The following LRFN5 variants were observed in gnomAD, a reference collection of about 807,000 sequenced individuals.
The protein encoded by LRFN5 is leucine rich repeat and fibronectin type III domain containing 5, also known as leucine-rich repeat and fibronectin type-III domain-containing protein 5.
LRFN5 carries 24 observed loss-of-function variants against 45.6 expected under a neutral mutation model. That is an observed-to-expected ratio of 0.53 (90% CI 0.38 to 0.74). LRFN5 has a LOEUF of 0.74. Among genes scored for constraint, LRFN5 ranks in the 30% least tolerant of loss-of-function variants. The pLI, the probability that LRFN5 is intolerant of heterozygous loss-of-function variation, is 0.00. For synonymous variants in LRFN5, 340 were observed against 313.8 expected (o/e 1.08, Z -0.88); for missense variants, 776 against 861.5 (o/e 0.90, Z 1.24).
intron 1 of LRFN5, among the ~76,000 whole-genome samples, chr14:41,694,949 A>G (rs1225441340): frequency 6.6e-6 from 1 of 152,010 alleles, no homozygotes; most frequent in Non-Finnish European, 1.5e-5. Context: ...TTAGTAAAAA[A>G]GGCATGTTGA....
chr14:41,661,289 T>A (rs1292506871), intron 1 of LRFN5, among the ~76,000 whole-genome samples: 1 of 151,954 alleles, frequency 6.6e-6, no homozygotes, highest in East Asian at 1.9e-4. Context: ...TAAGAACTCT[T>A]CTCATTCAAG....
At chr14:41,839,748 C>T (rs551656141) in intron 2 of LRFN5, among the ~76,000 whole-genome samples, 1 of 152,190 alleles carries the variant, frequency 6.6e-6, no homozygotes, top group South Asian at 2.1e-4. Flanking sequence ...TCTTCCTGAT[C>T]TAAATACCTG....
intron 1 of LRFN5, among the ~76,000 whole-genome samples, chr14:41,741,607 G>C (rs1884695458): frequency 6.6e-6 from 1 of 151,602 alleles, no homozygotes; most frequent in African/African-American, 2.4e-5. Context: ...AGAAAATGTA[G>C]GGTAAAAGCT....
chr14:41,888,637 G>A (rs910398454), intron 3 of LRFN5, among the ~76,000 whole-genome samples: 10 of 152,048 alleles, frequency 6.6e-5, no homozygotes, highest in African/African-American at 1.7e-4. Context: ...GTATGTGTGC[G>A]TGTGTCTGTG....
intron 1 of LRFN5, among the ~76,000 whole-genome samples, chr14:41,612,311 C>T (rs1004977965): frequency 2.6e-4 from 39 of 152,032 alleles, no homozygotes; most frequent in African/African-American, 9.2e-4. Context: ...AGTATTATTG[C>T]CAATTTTGAG....
chr14:41,650,264 C>CAAAA (rs1185599048), intron 1 of LRFN5, among the ~76,000 whole-genome samples: 1 of 130,408 alleles, frequency 7.7e-6, no homozygotes, highest in African/African-American at 3.1e-5. Flanking sequence ...CACACACACA[C>CAAAA]ACAAAAAAAA....
intron 1 of LRFN5, among the ~76,000 whole-genome samples, chr14:41,732,351 C>T (rs1226140808): frequency 6.6e-6 from 1 of 152,176 alleles, no homozygotes; most frequent in East Asian, 1.9e-4. Context: ...GCTGAGGTGA[C>T]TTCAAGGGGA....
At chr14:41,813,717 A>T (rs1392485194) in intron 2 of LRFN5, among the ~76,000 whole-genome samples, 2 of 152,160 alleles carry the variant, frequency 1.3e-5, no homozygotes, top group Non-Finnish European at 2.9e-5. Flanking sequence ...CAGTAATGGG[A>T]TGGCTGGGTC....
At chr14:41,870,425 C>T (rs1424163385) in intron 2 of LRFN5, among the ~76,000 whole-genome samples, 1 of 152,090 alleles carries the variant, frequency 6.6e-6, no homozygotes, top group African/African-American at 2.4e-5. Context: ...CTCACAGTTC[C>T]ACACGGCTAG....
intron 2 of LRFN5, among the ~76,000 whole-genome samples, chr14:41,770,427 A>C (rs1354193809): frequency 6.6e-6 from 1 of 152,172 alleles, no homozygotes; most frequent in African/African-American, 2.4e-5. Flanking sequence ...CCTTCCACCT[A>C]TGAGCCTGTA....
At chr14:41,655,650 C>A (rs1266469133) in intron 1 of LRFN5, among the ~76,000 whole-genome samples, 5 of 151,870 alleles carry the variant, frequency 3.3e-5, no homozygotes, top group Admixed American at 1.3e-4. Flanking sequence ...CTTAAGGGGA[C>A]CTGCTTAGGA....
intron 4 of LRFN5, among the ~76,000 whole-genome samples, chr14:41,895,738 A>C (rs1452876484): frequency 6.6e-6 from 1 of 151,298 alleles, no homozygotes; most frequent in Non-Finnish European, 1.5e-5. Context: ...TAAAGGAGTC[A>C]GTGGGGGTCT....
At chr14:41,722,412 T>C (rs1330871166) in intron 1 of LRFN5, among the ~76,000 whole-genome samples, 1 of 152,148 alleles carries the variant, frequency 6.6e-6, no homozygotes, top group Non-Finnish European at 1.5e-5. Context: ...GTGTGATCCA[T>C]TGGTTGTTTC....
In LRFN5 at chr14:41,891,790, G is replaced by A. The variant is rs753557828; in HGVS notation, c.1926G>A (p.Lys642=). Residue 642 remains lysine (K), a synonymous_variant, in exon 4 of 6, where the codon AAG becomes AAA. Transcript: ENST00000298119. ...SWTSSTSVSQ[K]QKRKTGTKPS... ...CTTCAAGCACTTCTGTGTCCCAAAA[G>A]CAGAAAAGAAAGACTGGCACAAAGC... The A allele has an allele frequency of 4.3e-6, 7 of 1,614,138 alleles. No homozygotes were observed. In the East Asian group the frequency reaches 1.3e-4, roughly 31 times the overall value.
rs1044199335 is a variant in LRFN5, at chr14:41,607,220, T to G, written c.-1539T>G. Among the ~76,000 whole-genome samples the G allele has an allele frequency of 2.6e-5, 4 of 151,966 alleles. No individual in the cohort carries two copies. On this transcript the variant is annotated 5_prime_UTR_variant, in exon 1 of 6. Coordinates refer to ENST00000298119, the MANE Select transcript of LRFN5 (RefSeq NM_152447.5). ...TGTGAATTGTTTAGCAGCTGGCTGC[T>G]CCCTTAGGATCCTTGACTTTGGGGA... is the stretch of plus-strand genomic sequence containing the variant.
rs555639483 is a variant in LRFN5 at position 41,814,001 on chromosome 14, A to G, written c.-21+46972A>G. ...GTTCATATCCTTTGCCCGCTTTTTG[A>G]TGGGGCTGTTTGTTTTTTTCTTGTA... On this transcript the variant is annotated intron_variant, in intron 2 of 5. Transcript: ENST00000298119. Among the ~76,000 whole-genome samples, 17 of 151,982 alleles carry G rather than the reference A, an allele frequency of 1.1e-4. 1 individual carries two copies. The South Asian group carries it at 3.5e-3, about 32-fold the overall frequency.
At chr14:41,663,900 G>A (rs543541470) in intron 1 of LRFN5, among the ~76,000 whole-genome samples, 104 of 152,048 alleles carry the variant, frequency 6.8e-4, no homozygotes, top group African/African-American at 2.4e-3. Context: ...CTCTCATATA[G>A]GAGAGAGATA....
At chr14:41,869,378 C>T (rs946645109) in intron 2 of LRFN5, among the ~76,000 whole-genome samples, 5 of 151,302 alleles carry the variant, frequency 3.3e-5, no homozygotes, top group African/African-American at 1.2e-4. Flanking sequence ...TGGCATCTTA[C>T]GTTTCCTAAA....
intron 1 of LRFN5, among the ~76,000 whole-genome samples, chr14:41,643,494 T>C (rs745326872): frequency 1.4e-4 from 22 of 152,270 alleles, no homozygotes; most frequent in Admixed American, 3.9e-4. Context: ...AAACCATGTG[T>C]GTTAGCTTCT....
Sources: gnomAD v4.1 joint callset for allele counts (sites outside exome capture counted in the v4.1 genomes callset) on GRCh38, gnomAD v4.1.1 for gene constraint, MANE v1.5 for transcripts, NCBI Gene and HGNC (gene_info 2026-07-23, HGNC 2026-07-21) for gene names.